The following ZSWIM6 variants were observed in gnomAD, a reference collection of about 807,000 sequenced individuals.
The protein encoded by ZSWIM6 is zinc finger SWIM domain-containing protein 6.
A neutral mutation model predicts 113.2 loss-of-function variants in ZSWIM6; 9 were observed. The observed-to-expected ratio is 0.08, with a 90% CI of 0.05 to 0.14. ZSWIM6 has a LOEUF of 0.14. ZSWIM6 is among the 10% of genes least tolerant of loss of function. The pLI, the probability that ZSWIM6 is intolerant of heterozygous loss-of-function variation, is 1.00. For missense variants in ZSWIM6, 1,162 were observed against 1,552.2 expected (o/e 0.75, Z 4.22); for synonymous variants, 611 against 606.5 (o/e 1.01, Z -0.11).
rs864309616 is a variant in ZSWIM6 at position 61,332,713 on chromosome 5, GGGC to G, written c.460_462del (p.Gly154del). ...ACGACAGCGGTGGCGGCGGCGGCGC[GGGC>G]GGCGGCGGCGGCGGCGGCTCCTCGT... On this transcript the variant is annotated inframe_deletion, in exon 1 of 14. Coordinates refer to ENST00000252744, the MANE Select transcript of ZSWIM6 (RefSeq NM_020928.2). 2.8e-4 allele frequency: 251 copies of G among 903,414 alleles called. No individual in the cohort carries two copies. The highest frequency in any genetic ancestry group is 5.8e-4 in the Middle Eastern group (1 of 1,738). The allele number at this position is 903,414 out of a possible 1,614,324, so 56.0% of individuals were successfully genotyped here. A position where few individuals can be genotyped will look rare whatever the true frequency, so the allele number is the denominator to read the frequency against.
chr5:61,409,084 T>G (rs1020113440), intron 1 of ZSWIM6, among the ~76,000 whole-genome samples: 3 of 122,200 alleles, frequency 2.5e-5, no homozygotes, highest in Non-Finnish European at 5.1e-5. Context: ...TTTTTTTTTT[T>G]TTTTTTTTTT....
At chr5:61,391,412 T>A (rs1010174669) in intron 1 of ZSWIM6, 3 of 966,790 alleles carry the variant, frequency 3.1e-6, no homozygotes, top group Non-Finnish European at 5.1e-6. Flanking sequence ...CGGTACTTCT[T>A]CATGCTGCTG....
chr5:61,449,576 T>C (rs1232666130), intron 1 of ZSWIM6, among the ~76,000 whole-genome samples: 1 of 152,132 alleles, frequency 6.6e-6, no homozygotes, highest in African/African-American at 2.4e-5. Context: ...AATAAGGCCA[T>C]ATGTACCACT....
At chr5:61,507,407 G>C (rs1234255775) in intron 4 of ZSWIM6, among the ~76,000 whole-genome samples, 1 of 152,116 alleles carries the variant, frequency 6.6e-6, no homozygotes, top group Non-Finnish European at 1.5e-5. Flanking sequence ...CACAAATCCT[G>C]ATGCTCTACC....
chr5:61,529,581 T>C (rs1749375859), intron 7 of ZSWIM6, among the ~76,000 whole-genome samples: 1 of 152,222 alleles, frequency 6.6e-6, no homozygotes. Flanking sequence ...TTAACACTGA[T>C]TTAGAGAGGT....
intron 4 of ZSWIM6, among the ~76,000 whole-genome samples, chr5:61,506,032 C>T (rs1748609883): frequency 6.6e-6 from 1 of 151,884 alleles, no homozygotes; most frequent in Admixed American, 6.6e-5. Context: ...AGGCGTGAGC[C>T]ACTGCGCCCG....
Position 61,472,187 on chromosome 5 carries a change from G to T in ZSWIM6, c.677-494G>T, listed in dbSNP as rs956826199. Among the ~76,000 whole-genome samples, 3 of 152,186 alleles carry T rather than the reference G, an allele frequency of 2.0e-5. No homozygotes were observed. Among genetic ancestry groups the T allele is most frequent in the African/African-American group, 7.2e-5 (3 of 41,440 alleles). Reference sequence around the variant, plus strand: ...TGGAAGGGACTCCCTTAGAGTTGCAGTATTGGTTGGTTGGAGCCAGCTAGT... The same window carrying T: ...TGGAAGGGACTCCCTTAGAGTTGCATTATTGGTTGGTTGGAGCCAGCTAGT... On this transcript the variant is annotated intron_variant, in intron 1 of 13. Transcript: ENST00000252744. The surrounding 1 kb of genome is among the most constrained non-coding windows in gnomAD (Gnocchi z 4.1).
At chr5:61,336,433 A>C (rs949841095) in intron 1 of ZSWIM6, among the ~76,000 whole-genome samples, 2 of 152,166 alleles carry the variant, frequency 1.3e-5, no homozygotes, top group Non-Finnish European at 2.9e-5. Context: ...CCTGAAACTC[A>C]AACTTGGAAA....
chr5:61,465,459 C>G (rs1442827801), intron 1 of ZSWIM6, among the ~76,000 whole-genome samples: 1 of 149,010 alleles, frequency 6.7e-6, no homozygotes, highest in Non-Finnish European at 1.5e-5. Context: ...TCCCCTTAAA[C>G]TAGTGGTACT....
intron 2 of ZSWIM6, among the ~76,000 whole-genome samples, chr5:61,489,592 A>C: frequency 6.6e-6 from 1 of 152,060 alleles, no homozygotes; most frequent in Non-Finnish European, 1.5e-5. Flanking sequence ...ACAGACACAT[A>C]AGCATATTAG....
chr5:61,374,834 C>CG, intron 1 of ZSWIM6, among the ~76,000 whole-genome samples: 1 of 152,246 alleles, frequency 6.6e-6, no homozygotes, highest in African/African-American at 2.4e-5. Flanking sequence ...GGATTACAGG[C>CG]GTGAGCTACC....
rs1432599141 is a variant in ZSWIM6, at chr5:61,544,219, G to T, written c.3550G>T (p.Asp1184Tyr). Residue 1184 changes from aspartate (D) to tyrosine (Y), a missense_variant, in exon 14 of 14, where the codon GAT (aspartate) becomes TAT (tyrosine). Coordinates refer to ENST00000252744, the MANE Select transcript of ZSWIM6 (RefSeq NM_020928.2). Reference protein sequence around the residue: ...KARETFLMAHDGHIQFTQFID... With the variant: ...KARETFLMAHYGHIQFTQFID... ...CCGAGAGACCTTCTTAATGGCGCAT[G>T]ATGGACACATTCAGTTTACACAGTT... is the stretch of plus-strand genomic sequence containing the variant. The T allele has an allele frequency of 6.4e-7, 1 of 1,551,584 alleles. No homozygotes were observed. Among genetic ancestry groups the T allele is most frequent in the Admixed American group, 2.0e-5 (1 of 50,998 alleles).
At chr5:61,488,212 A>G (rs964957539) in intron 2 of ZSWIM6, among the ~76,000 whole-genome samples, 2 of 152,080 alleles carry the variant, frequency 1.3e-5, no homozygotes, top group South Asian at 2.1e-4. Context: ...TGTAAAACCC[A>G]TTTGATCATG....
intron 2 of ZSWIM6, among the ~76,000 whole-genome samples, chr5:61,486,209 T>G (rs1748017156): frequency 6.6e-6 from 1 of 152,170 alleles, no homozygotes; most frequent in East Asian, 1.9e-4. Context: ...TATGTGGTAT[T>G]TGTCTTTCTG....
rs143414390 is a variant in ZSWIM6 at position 61,542,623 on chromosome 5, A to G, written c.2785+658A>G. On this transcript the variant is annotated intron_variant, in intron 13 of 13. Transcript: ENST00000252744. ...TGCCATCCCAGTGTTTAGATATGAC[A>G]CAGCATATACTATAAAATTATTATT... Among the ~76,000 whole-genome samples the G allele has an allele frequency of 7.2e-5, 11 of 152,348 alleles. No homozygotes were observed. In the East Asian group the frequency reaches 2.1e-3, roughly 29 times the overall value.
chr5:61,401,811 G>C (rs374671692), intron 1 of ZSWIM6, among the ~76,000 whole-genome samples: 1 of 152,134 alleles, frequency 6.6e-6, no homozygotes, highest in East Asian at 1.9e-4. Flanking sequence ...TACAAAAGAA[G>C]CTTTAGCATA....
At chr5:61,428,228 A>G (rs528444145) in intron 1 of ZSWIM6, among the ~76,000 whole-genome samples, 51 of 152,338 alleles carry the variant, frequency 3.3e-4, no homozygotes, top group Admixed American at 6.5e-4. Flanking sequence ...GGACTGTCAT[A>G]TGTTTTTTTG....
chr5:61,545,024 AT>A lies in ZSWIM6; in HGVS notation c.*708del, dbSNP rs1325950550. On this transcript the variant is annotated 3_prime_UTR_variant, in exon 14 of 14. Transcript: ENST00000252744. The stretch of plus-strand genomic sequence containing the variant: ...TATAACATTAACTAATTTATAAAAA[AT>A]ATTCTATGTAATGCAAAATACTTGA... 6.6e-6 allele frequency: 1 copy of A among 151,962 alleles called. No homozygotes were observed. Among genetic ancestry groups the A allele is most frequent in the Non-Finnish European group, 1.5e-5 (1 of 68,010 alleles). 9.4% of individuals were successfully genotyped at this position (151,962 alleles called of 1,614,324 possible).
chr5:61,414,753 A>G (rs531773514), intron 1 of ZSWIM6, among the ~76,000 whole-genome samples: 5 of 152,348 alleles, frequency 3.3e-5, no homozygotes, highest in African/African-American at 4.8e-5. Context: ...GGTAAACTGA[A>G]TAAGATTATT....
Sources: gnomAD v4.1 joint callset for allele counts (sites outside exome capture counted in the v4.1 genomes callset) on GRCh38, gnomAD v4.1.1 for gene constraint, Gnocchi (gnomAD v3.1) non-coding constraint, MANE v1.5 for transcripts, NCBI Gene and HGNC (gene_info 2026-07-23, HGNC 2026-07-21) for gene names.